The following DAB1 variants were observed in gnomAD, a reference collection of about 807,000 sequenced individuals.
DAB1 encodes the protein DAB adaptor protein 1.
A neutral mutation model predicts 64.6 loss-of-function variants in DAB1; 15 were observed. That is an observed-to-expected ratio of 0.23 (90% confidence interval 0.16 to 0.36). The LOEUF (loss-of-function observed/expected upper bound fraction) is 0.36, where lower values mean the gene tolerates loss of function less well. Among genes scored for constraint, DAB1 ranks in the 10% least tolerant of loss-of-function variants. The pLI is 1.00. For synonymous variants in DAB1, 235 were observed against 251.9 expected, an observed-to-expected ratio of 0.93 and a Z score of 0.64; for missense variants, 596 against 706.7, an observed-to-expected ratio of 0.84 and a Z score of 1.78.
At chr1:58,057,453 C>G (rs1179467506) in intron 5 of DAB1, among the ~76,000 whole-genome samples, 2 of 152,052 alleles carry the variant, frequency 1.3e-5, no homozygotes, top group Non-Finnish European at 2.9e-5. Context: ...AGGGTCTAGA[C>G]CAATAGGACA....
intron 10 of DAB1, among the ~76,000 whole-genome samples, chr1:57,023,978 G>A (rs1262902692): frequency 1.3e-5 from 2 of 152,044 alleles, no homozygotes; most frequent in African/African-American, 4.8e-5. Flanking sequence ...GGTGTTTTCA[G>A]GTATCAAATT....
rs191422420 is a variant in DAB1 at position 57,552,515 on chromosome 1, G to A, written n.625+97077C>T. Reference sequence around the variant, plus strand: ...TGAAGTCTGGGTATAGTTCCTGGAAGATAGGATTGCTGAGCAAAGTACTCA... The same window carrying A: ...TGAAGTCTGGGTATAGTTCCTGGAAAATAGGATTGCTGAGCAAAGTACTCA... On this transcript the variant is annotated intron_variant and non_coding_transcript_variant, in intron 7 of 20. Coordinates refer to the DAB1 transcript ENST00000485760. 4.7e-4 allele frequency among the ~76,000 whole-genome samples: 72 copies of A among 152,320 alleles called. 1 individual carries two copies. In the East Asian group the frequency reaches 0.013, roughly 27 times the overall value.
At chr1:58,261,525 C>T (rs1356640056) in intron 4 of DAB1, among the ~76,000 whole-genome samples, 3 of 152,144 alleles carry the variant, frequency 2.0e-5, no homozygotes, top group South Asian at 2.1e-4. Context: ...TCTGAGTGAG[C>T]GTGCCTAGTT....
rs114050233 is a variant in DAB1 at position 58,408,266 on chromosome 1, T to C, written n.258-64863A>G. On this transcript the variant is annotated intron_variant and non_coding_transcript_variant, in intron 3 of 20. Transcript: ENST00000485760. Reference sequence around the variant, plus strand: ...CTCTTCTCTTTGTCTGGATTATTCTTCCCCCAGATCTTCAGGTGATGAAAT... The same window carrying C: ...CTCTTCTCTTTGTCTGGATTATTCTCCCCCCAGATCTTCAGGTGATGAAAT... Among the ~76,000 whole-genome samples, 1,478 of 152,192 alleles carry C rather than the reference T, an allele frequency of 9.7e-3. 23 individuals carry two copies. Among genetic ancestry groups the C allele is most frequent in the African/African-American group, 0.034 (1,432 of 41,518 alleles).
At chr1:57,613,979 T>C (rs902157185) in intron 7 of DAB1, among the ~76,000 whole-genome samples, 1 of 152,162 alleles carries the variant, frequency 6.6e-6, no homozygotes, top group African/African-American at 2.4e-5. Context: ...TAAATACCTG[T>C]ATATCGGTAG....
chr1:57,935,993 T>A (rs1296962531), intron 5 of DAB1, among the ~76,000 whole-genome samples: 6 of 152,240 alleles, frequency 3.9e-5, no homozygotes, highest in Non-Finnish European at 8.8e-5. Flanking sequence ...AGGCTTCATA[T>A]CTATCCTGAA....
At chr1:57,439,425 CTT>C (rs71051230) in intron 7 of DAB1, among the ~76,000 whole-genome samples, 5 of 97,980 alleles carry the variant, frequency 5.1e-5, no homozygotes, top group Admixed American at 1.1e-4. Flanking sequence ...GAGGTTTTTT[CTT>C]TTTTTTTTTT....
At position 58,141,662 on chromosome 1, in the gene DAB1, G is replaced by A. The variant is rs368208619; in HGVS notation, n.387+8849C>T. 9.2e-5 allele frequency among the ~76,000 whole-genome samples: 14 copies of A among 152,258 alleles called. No homozygotes were observed. In the East Asian group the frequency reaches 1.4e-3, roughly 15 times the overall value. On this transcript the variant is annotated intron_variant and non_coding_transcript_variant, in intron 5 of 20. Coordinates refer to the DAB1 transcript ENST00000485760. ...ACCAGGCCCCACCTCCAACATTGGGGATTACATTTCAACACGAGATTTGCA... is the reference window on the plus strand; with the variant it reads ...ACCAGGCCCCACCTCCAACATTGGGAATTACATTTCAACACGAGATTTGCA...
At chr1:57,104,299 A>T (rs1201662752) in intron 4 of DAB1, among the ~76,000 whole-genome samples, 1 of 152,152 alleles carries the variant, frequency 6.6e-6, no homozygotes, top group Non-Finnish European at 1.5e-5. Context: ...AAGTGGCCCA[A>T]AGCAGGCACT....
chr1:58,230,874 A>G (rs534466254), intron 4 of DAB1, among the ~76,000 whole-genome samples: 8 of 152,330 alleles, frequency 5.3e-5, no homozygotes, highest in East Asian at 1.9e-4. Context: ...TTACAGCACC[A>G]TGGTTGGCAG....
chr1:57,512,365 A>C (rs535108898), intron 7 of DAB1, among the ~76,000 whole-genome samples: 1 of 152,356 alleles, frequency 6.6e-6, no homozygotes, highest in South Asian at 2.1e-4. Context: ...TTGTCTGAAC[A>C]CTTTATAAAC....
intron 3 of DAB1, among the ~76,000 whole-genome samples, chr1:58,495,019 C>T (rs1434294193): frequency 6.6e-6 from 1 of 152,124 alleles, no homozygotes; most frequent in East Asian, 1.9e-4. Context: ...GGAACCAACC[C>T]AAACGTCCAA....
At chr1:58,022,665 T>C (rs1341998250) in intron 5 of DAB1, among the ~76,000 whole-genome samples, 1 of 152,202 alleles carries the variant, frequency 6.6e-6, no homozygotes, top group Non-Finnish European at 1.5e-5. Flanking sequence ...ATAAAATCAA[T>C]TACAGTAAAA....
At chr1:57,370,106 C>T (rs1471651280) in intron 1 of DAB1, among the ~76,000 whole-genome samples, 2 of 152,164 alleles carry the variant, frequency 1.3e-5, no homozygotes, top group Non-Finnish European at 2.9e-5. Context: ...CCCAACCACA[C>T]CACCTTATTT....
At chr1:57,066,846 A>G (rs1008774598) in intron 8 of DAB1, among the ~76,000 whole-genome samples, 5 of 152,184 alleles carry the variant, frequency 3.3e-5, no homozygotes, top group African/African-American at 1.2e-4. Context: ...TACAAAAATT[A>G]TGTTCTCCAC....
chr1:57,840,399 A>G (rs1306131548), intron 1 of DAB1, among the ~76,000 whole-genome samples: 1 of 152,208 alleles, frequency 6.6e-6, no homozygotes, highest in Non-Finnish European at 1.5e-5. Flanking sequence ...ATCCAAAGGC[A>G]TAGAAGTGTG....
At chr1:57,729,359 G>T (rs1019743263) in intron 6 of DAB1, among the ~76,000 whole-genome samples, 1 of 152,214 alleles carries the variant, frequency 6.6e-6, no homozygotes, top group African/African-American at 2.4e-5. Context: ...TCACATATGA[G>T]CCCAGCGGCA....
chr1:57,575,257 C>G (rs1159009038), intron 7 of DAB1, among the ~76,000 whole-genome samples: 4 of 152,160 alleles, frequency 2.6e-5, no homozygotes, highest in Non-Finnish European at 5.9e-5. Context: ...CCTTTTAAAC[C>G]TGATGAAGAA....
At chr1:58,379,773 T>C (rs1026252960) in intron 3 of DAB1, among the ~76,000 whole-genome samples, 1 of 152,148 alleles carries the variant, frequency 6.6e-6, no homozygotes, top group African/African-American at 2.4e-5. Context: ...ATGAGTACTG[T>C]GGAGTAGGAA....
Sources: allele counts gnomAD v4.1 joint callset (sites outside exome capture counted in the v4.1 genomes callset), GRCh38; gene constraint gnomAD v4.1.1; transcripts MANE v1.5; gene names NCBI Gene and HGNC (gene_info 2026-07-23, HGNC 2026-07-21).